The following DLGAP1 variants were observed in gnomAD, a reference collection of about 807,000 sequenced individuals.
DLGAP1 encodes the protein DLG associated protein 1, also known as disks large-associated protein 1.
Under a neutral mutation model 90.8 loss-of-function variants are expected in DLGAP1, and 11 were observed. That is an observed-to-expected ratio of 0.12 (90% CI 0.08 to 0.20). The LOEUF (loss-of-function observed/expected upper bound fraction) is 0.20. DLGAP1 is among the 10% of genes least tolerant of loss of function. The probability of loss-of-function intolerance (pLI) is 1.00; values close to 1 mark genes in which losing one functional copy is unlikely to be tolerated. For missense variants in DLGAP1, 1,050 were observed against 1,333.8 expected (o/e 0.79, Z 3.31); for synonymous variants, 558 against 540.7 (o/e 1.03, Z -0.44).
At chr18:4,043,316 C>T (rs528000698) in intron 2 of DLGAP1, among the ~76,000 whole-genome samples, 11 of 152,168 alleles carry the variant, frequency 7.2e-5, no homozygotes, top group Non-Finnish European at 1.5e-4. Flanking sequence ...CACCAAATGT[C>T]TGAAATTAAA....
intron 8 of DLGAP1, among the ~76,000 whole-genome samples, chr18:3,579,998 T>C (rs1440663789): frequency 6.6e-6 from 1 of 152,208 alleles, no homozygotes; most frequent in East Asian, 1.9e-4. Context: ...CCCCGGCTAT[T>C]CCTGCAAGTC....
intron 4 of DLGAP1, among the ~76,000 whole-genome samples, chr18:3,821,204 T>C (rs1016296570): frequency 2.7e-5 from 4 of 149,010 alleles, no homozygotes; most frequent in Admixed American, 6.8e-5. Context: ...ACAAGAGGAT[T>C]GCTTGAGCCC....
At chr18:3,712,683 C>T (rs540323078) in intron 7 of DLGAP1, among the ~76,000 whole-genome samples, 193 of 152,300 alleles carry the variant, frequency 1.3e-3, no homozygotes, top group African/African-American at 4.3e-3. Context: ...ACAGAACTGG[C>T]CTGCTAATCA....
At chr18:3,627,943 T>A (rs2058361593) in intron 7 of DLGAP1, among the ~76,000 whole-genome samples, 1 of 142,966 alleles carries the variant, frequency 7.0e-6, no homozygotes, top group Non-Finnish European at 1.5e-5. Flanking sequence ...AATGGGGCGA[T>A]CTCGGCTCAC....
At chr18:4,304,656 C>G (rs560872113) in intron 1 of DLGAP1, among the ~76,000 whole-genome samples, 2 of 152,270 alleles carry the variant, frequency 1.3e-5, no homozygotes, top group South Asian at 4.2e-4. Flanking sequence ...ATTGGCCAGG[C>G]GTGGTGGCTC....
At chr18:3,635,268 C>G (rs879317977) in intron 7 of DLGAP1, among the ~76,000 whole-genome samples, 12 of 152,002 alleles carry the variant, frequency 7.9e-5, no homozygotes, top group African/African-American at 2.4e-4. Context: ...GTAGCTGGGA[C>G]TACAGGCGCC....
intron 1 of DLGAP1, among the ~76,000 whole-genome samples, chr18:4,445,457 C>T (rs1332126373): frequency 1.7e-4 from 20 of 120,268 alleles, no homozygotes; most frequent in African/African-American, 6.0e-4. Flanking sequence ...CTCCCCCCAC[C>T]CCACCACAGT....
intron 3 of DLGAP1, among the ~76,000 whole-genome samples, chr18:3,881,875 T>G (rs2071180891): frequency 6.6e-6 from 1 of 152,208 alleles, no homozygotes; most frequent in East Asian, 1.9e-4. Context: ...ATCGTGCCAC[T>G]GCACTCCAGC....
chr18:4,287,228 A>C (rs1467302846), intron 1 of DLGAP1, among the ~76,000 whole-genome samples: 3 of 152,198 alleles, frequency 2.0e-5, no homozygotes, highest in Non-Finnish European at 4.4e-5. Context: ...ACCATCTCAC[A>C]TCAGTTAAAA....
chr18:3,836,580 T>A (rs2068396622), intron 4 of DLGAP1, among the ~76,000 whole-genome samples: 1 of 152,118 alleles, frequency 6.6e-6, no homozygotes, highest in South Asian at 2.1e-4. Context: ...TTTTCGACCC[T>A]CCTAGGATGT....
At chr18:4,236,455 T>A (rs914592515) in intron 1 of DLGAP1, among the ~76,000 whole-genome samples, 1 of 152,184 alleles carries the variant, frequency 6.6e-6, no homozygotes, top group South Asian at 2.1e-4. Context: ...ATCATTTTCC[T>A]TGTGCTTTTA....
intron 7 of DLGAP1, chr18:3,606,558 G>A (rs995535180): frequency 1.3e-5 from 2 of 152,100 alleles, no homozygotes; most frequent in Non-Finnish European, 2.9e-5. Context: ...TGACAGAAAA[G>A]TATAGTAAGA....
chr18:4,205,538 G>T (rs1411927888), intron 1 of DLGAP1, among the ~76,000 whole-genome samples: 1 of 152,136 alleles, frequency 6.6e-6, no homozygotes, highest in Non-Finnish European at 1.5e-5. Flanking sequence ...TGTCACGCAG[G>T]CCAGCATGCA....
intron 1 of DLGAP1, among the ~76,000 whole-genome samples, chr18:4,340,377 T>C (rs1335947597): frequency 6.6e-6 from 1 of 152,106 alleles, no homozygotes; most frequent in Non-Finnish European, 1.5e-5. Context: ...CAAAACGGCA[T>C]GCAATTTAAA....
chr18:4,235,124 G>A (rs2078380961), intron 1 of DLGAP1, among the ~76,000 whole-genome samples: 1 of 151,914 alleles, frequency 6.6e-6, no homozygotes. Flanking sequence ...ACTCAAACCT[G>A]TTTTCCAGCT....
rs1471250798 is a variant in DLGAP1, at chr18:4,454,056, C to G, written c.-267+950G>C. ...CACAGGCACTCAGTGTCTCCGGCGC[C>G]GGCAGCCGAGCCACGGGCCACCCCT... On this transcript the variant is annotated intron_variant, in intron 1 of 12. Coordinates refer to ENST00000315677, the MANE Select transcript of DLGAP1 (RefSeq NM_004746.4). This position sits in a 1 kb window ranked among gnomAD's most constrained non-coding sequence, Gnocchi z 4.7. 1.3e-5 allele frequency among the ~76,000 whole-genome samples: 2 copies of G among 152,194 alleles called. No homozygotes were observed.
At chr18:4,034,430 A>G (rs1385542061) in intron 2 of DLGAP1, among the ~76,000 whole-genome samples, 1 of 152,212 alleles carries the variant, frequency 6.6e-6, no homozygotes, top group Non-Finnish European at 1.5e-5. Flanking sequence ...CATAAAAATC[A>G]TTAAAAACCC....
At chr18:4,232,008 A>C (rs2078309847) in intron 1 of DLGAP1, among the ~76,000 whole-genome samples, 1 of 152,176 alleles carries the variant, frequency 6.6e-6, no homozygotes, top group South Asian at 2.1e-4. Context: ...GAACTGAATA[A>C]ATTGAATAAT....
chr18:3,750,306 AT>A (rs1284961811), intron 5 of DLGAP1, among the ~76,000 whole-genome samples: 1 of 152,138 alleles, frequency 6.6e-6, no homozygotes, highest in Non-Finnish European at 1.5e-5. Flanking sequence ...ACATGATTTC[AT>A]TGTTATGGCT....
Sources: allele counts gnomAD v4.1 joint callset (sites outside exome capture counted in the v4.1 genomes callset), GRCh38; gene constraint gnomAD v4.1.1; non-coding constraint Gnocchi (gnomAD v3.1); transcripts MANE v1.5; gene names NCBI Gene and HGNC (gene_info 2026-07-23, HGNC 2026-07-21).